Variants in SCIN observed in about 807,000 individuals in gnomAD.
SCIN encodes adseverin.
In SCIN, 91 loss-of-function variants were observed where a neutral mutation model predicts 91.8. The observed-to-expected ratio is 0.99, with a 90% CI of 0.84 to 1.18. SCIN has a LOEUF of 1.18. Among genes scored for constraint, SCIN ranks in the 50% most tolerant of loss-of-function variants. The probability of loss-of-function intolerance (pLI) is 0.00; values close to 1 mark genes in which losing one functional copy is unlikely to be tolerated. For missense variants in SCIN, 1,087 were observed against 863.9 expected, an observed-to-expected ratio of 1.26 and a Z score of -3.24; for synonymous variants, 367 against 312.6, an observed-to-expected ratio of 1.17 and a Z score of -1.84.
chr7:12,588,584 C>T (rs1006686769), intron 3 of SCIN, among the ~76,000 whole-genome samples: 1 of 151,606 alleles, frequency 6.6e-6, no homozygotes, highest in East Asian at 1.9e-4. Flanking sequence ...GGAGAGAGAC[C>T]CTGGGGTTGT....
intron 15 of SCIN, 114 bp from the exon 16 acceptor site, chr7:12,652,474 A>ATTTG: frequency 1.0e-6 from 1 of 961,438 alleles, no homozygotes; most frequent in East Asian, 2.8e-5. Context: ...GCCAATATTT[A>ATTTG]TTTGTTCTTC....
In SCIN at chr7:12,659,867, G is replaced by T; in HGVS notation, c.*7152G>T. 1 of 168,186 alleles carries T rather than the reference G, an allele frequency of 5.9e-6. No individual in the cohort carries two copies. The highest frequency in any genetic ancestry group is 1.9e-4 in the South Asian group (1 of 5,158). 10.4% of individuals were successfully genotyped at this position (168,186 alleles called of 1,614,324 possible). A position where few individuals can be genotyped will look rare whatever the true frequency, so the allele number is the denominator to read the frequency against. On this transcript the variant is annotated 3_prime_UTR_variant, in exon 16 of 16. Transcript: ENST00000297029. ...TACATCCAGATGGCCTGAAGCAATT[G>T]AAGATCTACAAAAGAAGTGAAAATT...
chr7:12,593,629 C>T (rs544505336), intron 3 of SCIN, among the ~76,000 whole-genome samples: 2 of 152,142 alleles, frequency 1.3e-5, no homozygotes, highest in African/African-American at 2.4e-5. Flanking sequence ...AGAGATTGGG[C>T]AGGATTTTCA....
intron 11 of SCIN, among the ~76,000 whole-genome samples, chr7:12,641,145 G>A (rs752298633): frequency 2.0e-5 from 3 of 152,046 alleles, no homozygotes; most frequent in Admixed American, 6.6e-5. Flanking sequence ...TCACCCTTAC[G>A]CTGCCTGGCA....
chr7:12,600,086 T>TA (rs1782927465), intron 3 of SCIN, among the ~76,000 whole-genome samples: 1 of 152,176 alleles, frequency 6.6e-6, no homozygotes, highest in African/African-American at 2.4e-5. Flanking sequence ...AGTCTTTGCT[T>TA]AAGCCAATGT....
chr7:12,629,450 GT>G (rs1156348443), intron 9 of SCIN, among the ~76,000 whole-genome samples: 1 of 152,134 alleles, frequency 6.6e-6, no homozygotes, highest in Non-Finnish European at 1.5e-5. Flanking sequence ...TAGGCAAAAA[GT>G]TTTGATATCC....
At chr7:12,579,867 T>A (rs1286999359) in intron 2 of SCIN, among the ~76,000 whole-genome samples, 1 of 152,160 alleles carries the variant, frequency 6.6e-6, no homozygotes, top group Non-Finnish European at 1.5e-5. Context: ...TGAGGCGAGG[T>A]CATGCCATTG....
At chr7:12,650,596 A>G (rs1263148568) in intron 14 of SCIN, among the ~76,000 whole-genome samples, 1 of 152,160 alleles carries the variant, frequency 6.6e-6, no homozygotes, top group Non-Finnish European at 1.5e-5. Flanking sequence ...CACAATCTAA[A>G]TGTAAGTGAC....
chr7:12,572,245 A>C (rs1463905741), intron 1 of SCIN, among the ~76,000 whole-genome samples: 1 of 152,248 alleles, frequency 6.6e-6, no homozygotes, highest in Non-Finnish European at 1.5e-5. Flanking sequence ...AATTTGTGTT[A>C]GCTTGAGGAG....
chr7:12,648,542 A>G (rs1784012787), intron 13 of SCIN, among the ~76,000 whole-genome samples: 1 of 152,082 alleles, frequency 6.6e-6, no homozygotes, highest in Admixed American at 6.6e-5. Context: ...TGATCCACCC[A>G]ACTCAGCCTC....
chr7:12,641,775 C>T (rs1203866145), intron 11 of SCIN, among the ~76,000 whole-genome samples: 1 of 152,054 alleles, frequency 6.6e-6, no homozygotes. Flanking sequence ...ATCCATGAAC[C>T]CGCTGCCTCC....
chr7:12,636,191 G>T (rs1770181280), intron 10 of SCIN, 56 bp downstream of exon 10: 1 of 1,248,984 alleles, frequency 8.0e-7, no homozygotes, highest in Non-Finnish European at 1.2e-6. Context: ...CTAGCTCAAT[G>T]GATAGCTATA....
At chr7:12,580,375 T>G (rs1309982351) in intron 2 of SCIN, among the ~76,000 whole-genome samples, 1 of 152,204 alleles carries the variant, frequency 6.6e-6, no homozygotes, top group African/African-American at 2.4e-5. Flanking sequence ...ATTCGGGTGA[T>G]TGTATTTCAT....
intron 5 of SCIN, among the ~76,000 whole-genome samples, chr7:12,624,324 T>G (rs1409583078): frequency 6.6e-6 from 1 of 152,196 alleles, no homozygotes; most frequent in East Asian, 1.9e-4. Context: ...AATCCTAACC[T>G]GCACATGAAT....
intron 1 of SCIN, 163 bp from the exon 2 acceptor site, chr7:12,577,901 A>T (rs968851546): frequency 8.8e-5 from 56 of 635,458 alleles, no homozygotes; most frequent in African/African-American, 8.6e-4. Flanking sequence ...TATTAGCAAA[A>T]TAATGTATTA....
In SCIN at chr7:12,626,570, A is replaced by T. The variant is rs764004770; in HGVS notation, c.982-14A>T. 1.3e-6 allele frequency: 2 copies of T among 1,501,394 alleles called. No individual in the cohort carries two copies. Among genetic ancestry groups the T allele is most frequent in the South Asian group, 1.2e-5 (1 of 81,204 alleles). 93.0% of individuals were successfully genotyped at this position (1,501,394 alleles called of 1,614,324 possible). A position where few individuals can be genotyped will look rare whatever the true frequency, so the allele number is the denominator to read the frequency against. ...TATTTTCCTGTTTACTATTATTATTATTTTAAATTTCAGATTCAAGTTCTT... is the reference window on the plus strand; with the variant it reads ...TATTTTCCTGTTTACTATTATTATTTTTTTAAATTTCAGATTCAAGTTCTT... On this transcript the variant is annotated splice_polypyrimidine_tract_variant and intron_variant, in intron 7 of 15. Transcript: ENST00000297029.
chr7:12,627,511 T>G (rs1158602494), intron 8 of SCIN, among the ~76,000 whole-genome samples: 1 of 152,316 alleles, frequency 6.6e-6, no homozygotes, highest in African/African-American at 2.4e-5. Context: ...CATCGATTCC[T>G]TGAGGACAGG....
At chr7:12,644,385 A>G (rs959494) in intron 12 of SCIN, 70 bp downstream of exon 12, 34,848 of 1,498,142 alleles carry the variant, frequency 0.023, 2,103 homozygotes, top group Admixed American at 0.21. Flanking sequence ...TCTTTTTTTC[A>G]CCAAAAAGTC....
chr7:12,577,700 T>C (rs938742181), intron 1 of SCIN: 2 of 413,408 alleles, frequency 4.8e-6, no homozygotes, highest in Non-Finnish European at 9.4e-6. Flanking sequence ...AAACACTTTT[T>C]TGAGAATTAG....
Sources: gnomAD v4.1 joint callset for allele counts (sites outside exome capture counted in the v4.1 genomes callset) on GRCh38, gnomAD v4.1.1 for gene constraint, MANE v1.5 for transcripts, NCBI Gene and HGNC (gene_info 2026-07-23, HGNC 2026-07-21) for gene names.